Variants in DNM3 observed in about 807,000 individuals in gnomAD.
DNM3 encodes the protein dynamin 3.
DNM3 carries 47 observed loss-of-function variants against 101.6 expected under a neutral mutation model. That is an observed-to-expected ratio of 0.46 (90% confidence interval 0.37 to 0.59). The LOEUF is 0.59. DNM3 is among the 20% of genes least tolerant of loss of function. The pLI is 0.00. For synonymous variants in DNM3, 385 were observed against 387.9 expected (o/e 0.99, Z 0.09); for missense variants, 849 against 1,085.7 (o/e 0.78, Z 3.06).
chr1:172,231,023 C>A (rs2061316603), intron 14 of DNM3, among the ~76,000 whole-genome samples: 3 of 151,800 alleles, frequency 2.0e-5, no homozygotes, highest in Non-Finnish European at 4.4e-5. Flanking sequence ...AGTTCAGCTC[C>A]TAGATGAGTT....
intron 2 of DNM3, among the ~76,000 whole-genome samples, chr1:171,932,064 A>ACTCC (rs2041062159): frequency 3.8e-5 from 1 of 26,616 alleles, no homozygotes; most frequent in African/African-American, 1.5e-4. Context: ...CCCTCCCTCC[A>ACTCC]TTCCTCCCTC....
chr1:172,386,067 A>G (rs2069161765), intron 18 of DNM3, among the ~76,000 whole-genome samples: 1 of 152,216 alleles, frequency 6.6e-6, no homozygotes, highest in South Asian at 2.1e-4. Flanking sequence ...TGTATCTATA[A>G]AACTGGAATA....
Position 172,140,840 on chromosome 1 carries a change from G to A in DNM3, c.1659+9552G>A, listed in dbSNP as rs73039374. On this transcript the variant is annotated intron_variant, in intron 14 of 20. Transcript: ENST00000627582. ...TGACATATGCACACTTCATTGTTAT[G>A]TTGAACCTGCCCCTAAACTTGTTAA... 8.4e-3 allele frequency among the ~76,000 whole-genome samples: 1,270 copies of A among 152,012 alleles called. 13 individuals are homozygous for A. The highest frequency in any genetic ancestry group is 0.029 in the African/African-American group (1,184 of 41,534).
At chr1:172,012,030 G>A (rs2047161653) in intron 4 of DNM3, among the ~76,000 whole-genome samples, 1 of 151,998 alleles carries the variant, frequency 6.6e-6, no homozygotes, top group African/African-American at 2.4e-5. Context: ...TGCAACATTT[G>A]TTTCCTTACC....
In DNM3 at chr1:172,410,026, G is replaced by T; in HGVS notation, c.*2185G>T. On this transcript the variant is annotated 3_prime_UTR_variant, in exon 21 of 21. Coordinates refer to ENST00000627582, the MANE Select transcript of DNM3 (RefSeq NM_015569.5). Reference sequence around the variant, plus strand: ...TTGTCATCTTTGGCACTTGCTTTTAGATTATAGTCCCACAGTTGCACTGCC... The same window carrying T: ...TTGTCATCTTTGGCACTTGCTTTTATATTATAGTCCCACAGTTGCACTGCC... 2 of 985,640 alleles carry T rather than the reference G, an allele frequency of 2.0e-6. No homozygotes were observed. Among genetic ancestry groups the T allele is most frequent in the Non-Finnish European group, 2.4e-6 (2 of 829,880 alleles). 61.1% of individuals were successfully genotyped at this position (985,640 alleles called of 1,614,324 possible).
intron 10 of DNM3, among the ~76,000 whole-genome samples, chr1:172,054,207 C>T (rs6669406): frequency 0.35 from 52,698 of 152,024 alleles, 9,988 homozygotes; most frequent in East Asian, 0.69. Flanking sequence ...TAAATAAACA[C>T]CAGTGAAAAA....
At chr1:172,165,365 A>T (rs1349562112) in intron 14 of DNM3, among the ~76,000 whole-genome samples, 2 of 152,110 alleles carry the variant, frequency 1.3e-5, no homozygotes, top group Non-Finnish European at 2.9e-5. Flanking sequence ...AAGTAAAGAT[A>T]TTTCTGCATG....
chr1:171,958,147 A>G (rs1438568351), intron 2 of DNM3, among the ~76,000 whole-genome samples: 39 of 152,190 alleles, frequency 2.6e-4, no homozygotes, highest in Admixed American at 2.5e-3. Context: ...AGAAGACAGC[A>G]TGTTCAGGGA....
chr1:171,940,256 A>G (rs986976422), intron 2 of DNM3, among the ~76,000 whole-genome samples: 4 of 152,174 alleles, frequency 2.6e-5, no homozygotes, highest in Non-Finnish European at 4.4e-5. Flanking sequence ...AGCCTGGTGG[A>G]ATTTTTTTCT....
At chr1:172,012,574 C>G (rs906324058) in intron 4 of DNM3, among the ~76,000 whole-genome samples, 1 of 151,688 alleles carries the variant, frequency 6.6e-6, no homozygotes, top group African/African-American at 2.4e-5. Context: ...TCTCAGAGAC[C>G]CACTTCACAT....
intron 14 of DNM3, among the ~76,000 whole-genome samples, chr1:172,197,204 G>A (rs1313489173): frequency 6.6e-6 from 1 of 152,046 alleles, no homozygotes; most frequent in Admixed American, 6.6e-5. Context: ...CTTTGTCGAA[G>A]ATCAGATTGT....
chr1:171,921,994 T>A (rs1399888081), intron 2 of DNM3, among the ~76,000 whole-genome samples, 173 bp downstream of exon 2: 1 of 152,166 alleles, frequency 6.6e-6, no homozygotes. Flanking sequence ...ATTCCTTTGA[T>A]TACATTAAAG....
At chr1:172,207,194 T>C (rs2060353946) in intron 14 of DNM3, among the ~76,000 whole-genome samples, 1 of 152,144 alleles carries the variant, frequency 6.6e-6, no homozygotes, top group Non-Finnish European at 1.5e-5. Context: ...TCCTTAGTGC[T>C]ACTTCCACAG....
intron 17 of DNM3, among the ~76,000 whole-genome samples, chr1:172,368,609 GAA>G (rs2068154065): frequency 6.6e-6 from 1 of 150,678 alleles, no homozygotes; most frequent in African/African-American, 2.4e-5. Flanking sequence ...TAGAAGGAAA[GAA>G]ATAATAAAGA....
At chr1:171,925,732 C>T (rs1322497530) in intron 2 of DNM3, among the ~76,000 whole-genome samples, 1 of 152,096 alleles carries the variant, frequency 6.6e-6, no homozygotes, top group Non-Finnish European at 1.5e-5. Context: ...TTGTCTATTT[C>T]TGTTTTTGTT....
In DNM3 at chr1:172,068,917, T is replaced by A. The variant is rs1408048754; in HGVS notation, c.1422+12T>A. On this transcript the variant is annotated intron_variant, in intron 11 of 20. Transcript: ENST00000627582. ...AGACAAAGGACCAGGTAAAGAGAGG[T>A]CTTCCCTGGTGGGCAGGGAGATTGT... 2 of 1,553,602 alleles carry A rather than the reference T, an allele frequency of 1.3e-6. No homozygotes were observed. The highest frequency in any genetic ancestry group is 1.7e-4 in the Middle Eastern group (1 of 6,008).
chr1:171,852,550 T>G (rs539448485), intron 1 of DNM3, among the ~76,000 whole-genome samples: 2 of 152,320 alleles, frequency 1.3e-5, no homozygotes, highest in African/African-American at 4.8e-5. Context: ...AGGCTAACAA[T>G]TCTTATGAGA....
chr1:172,073,645 G>A (rs1051751643), intron 11 of DNM3, among the ~76,000 whole-genome samples: 8 of 152,090 alleles, frequency 5.3e-5, no homozygotes, highest in South Asian at 2.1e-4. Flanking sequence ...ACTCTGATGC[G>A]TTCAAATGCT....
intron 15 of DNM3, among the ~76,000 whole-genome samples, chr1:172,301,113 G>T (rs182808749): frequency 6.6e-6 from 1 of 152,324 alleles, no homozygotes; most frequent in Non-Finnish European, 1.5e-5. Flanking sequence ...GAATAAGGGA[G>T]AAGAAAGCTT....
Sources: allele counts gnomAD v4.1 joint callset (sites outside exome capture counted in the v4.1 genomes callset), GRCh38; gene constraint gnomAD v4.1.1; transcripts MANE v1.5; gene names NCBI Gene and HGNC (gene_info 2026-07-23, HGNC 2026-07-21).